Variants in CTNND2 observed in about 807,000 individuals in gnomAD.
The protein encoded by CTNND2 is catenin delta-2.
A neutral mutation model predicts 144.4 loss-of-function variants in CTNND2; 22 were observed. That is an observed-to-expected ratio of 0.15 (90% CI 0.11 to 0.22). The LOEUF is 0.22. Among genes scored for constraint, CTNND2 ranks in the 10% least tolerant of loss-of-function variants. The probability of loss-of-function intolerance (pLI) is 1.00; values close to 1 mark genes in which losing one functional copy is unlikely to be tolerated. For missense variants in CTNND2, 1,353 were observed against 1,618.8 expected (o/e 0.84, Z 2.82); for synonymous variants, 751 against 695.6 (o/e 1.08, Z -1.25).
intron 9 of CTNND2, among the ~76,000 whole-genome samples, chr5:11,345,323 T>A: frequency 6.6e-6 from 1 of 152,206 alleles, no homozygotes; most frequent in East Asian, 1.9e-4. Context: ...TAAGCACTTA[T>A]TACAATTCAC....
At chr5:11,540,638 T>G (rs1335377907) in intron 3 of CTNND2, among the ~76,000 whole-genome samples, 2 of 152,164 alleles carry the variant, frequency 1.3e-5, no homozygotes, top group African/African-American at 4.8e-5. Context: ...GCCTCCTGAG[T>G]AGCTGGGACT....
Position 11,563,686 on chromosome 5 carries a change from T to A in CTNND2, c.287+1258A>T, listed in dbSNP as rs1390257380. 2.0e-5 allele frequency among the ~76,000 whole-genome samples: 3 copies of A among 152,082 alleles called. No homozygotes were observed. The East Asian group carries it at 5.8e-4, about 29-fold the overall frequency. On this transcript the variant is annotated intron_variant, in intron 3 of 21. Coordinates refer to ENST00000304623, the MANE Select transcript of CTNND2 (RefSeq NM_001332.4). ...TAAGGTTTTATAATGGAAAATAATATTCCATCCACGTGGTTAACCCCGCTT... is the reference window on the plus strand; with the variant it reads ...TAAGGTTTTATAATGGAAAATAATAATCCATCCACGTGGTTAACCCCGCTT...
At chr5:11,108,027 A>G (rs61754613) in intron 14 of CTNND2, among the ~76,000 whole-genome samples, 1,853 of 152,328 alleles carry the variant, frequency 0.012, 39 homozygotes, top group African/African-American at 0.043. Context: ...TTGGGGATCA[A>G]TTGCTATACT....
chr5:11,758,175 G>A (rs1789055470), intron 1 of CTNND2, among the ~76,000 whole-genome samples: 1 of 151,836 alleles, frequency 6.6e-6, no homozygotes, highest in Admixed American at 6.6e-5. Flanking sequence ...TCCTGAAGAT[G>A]CCATCTTTCT....
intron 3 of CTNND2, among the ~76,000 whole-genome samples, chr5:11,541,699 CTG>C: frequency 6.6e-6 from 1 of 152,286 alleles, no homozygotes. Context: ...ACTGAATTGA[CTG>C]TTTTATTTGC....
intron 3 of CTNND2, among the ~76,000 whole-genome samples, chr5:11,497,528 G>GGGA (rs1770091262): frequency 1.2e-5 from 1 of 84,714 alleles, no homozygotes; most frequent in Non-Finnish European, 2.3e-5. Context: ...GTGGGGGGGG[G>GGGA]CAATATGTGC....
intron 2 of CTNND2, among the ~76,000 whole-genome samples, chr5:11,640,272 A>G (rs897149106): frequency 1.3e-5 from 2 of 152,266 alleles, no homozygotes; most frequent in African/African-American, 4.8e-5. Flanking sequence ...TGACTTTATT[A>G]TGCACATAAA....
At chr5:11,548,262 G>C (rs12659996) in intron 3 of CTNND2, among the ~76,000 whole-genome samples, 10,342 of 152,208 alleles carry the variant, frequency 0.068, 689 homozygotes, top group East Asian at 0.25. Context: ...ACAAAATTGA[G>C]AAAGCTGTTT....
At chr5:11,771,104 T>TTTTA (rs1181507841) in intron 1 of CTNND2, among the ~76,000 whole-genome samples, 2 of 151,840 alleles carry the variant, frequency 1.3e-5, no homozygotes, top group Non-Finnish European at 2.9e-5. Flanking sequence ...AGGCTTTACA[T>TTTTA]TATAAAAAGG....
chr5:11,728,215 G>T (rs751617724), intron 2 of CTNND2, among the ~76,000 whole-genome samples: 1 of 152,138 alleles, frequency 6.6e-6, no homozygotes, highest in Non-Finnish European at 1.5e-5. Context: ...GCTCACGCCT[G>T]TAATCCCAGC....
intron 3 of CTNND2, among the ~76,000 whole-genome samples, chr5:11,458,480 C>A (rs1410554399): frequency 6.6e-6 from 1 of 152,180 alleles, no homozygotes; most frequent in Non-Finnish European, 1.5e-5. Flanking sequence ...CATGGCTGGG[C>A]AACTTTCAGG....
At chr5:11,709,454 T>C (rs1206008116) in intron 2 of CTNND2, among the ~76,000 whole-genome samples, 4 of 152,216 alleles carry the variant, frequency 2.6e-5, no homozygotes, top group Non-Finnish European at 5.9e-5. Flanking sequence ...AATTTAATCA[T>C]GTAAAAGCAT....
At chr5:11,380,464 G>A (rs1190654940) in intron 7 of CTNND2, among the ~76,000 whole-genome samples, 2 of 152,178 alleles carry the variant, frequency 1.3e-5, no homozygotes, top group African/African-American at 4.8e-5. Flanking sequence ...TTTTATCAGG[G>A]AATAATTTTA....
At chr5:11,010,940 TAC>T (rs1297746450) in intron 18 of CTNND2, among the ~76,000 whole-genome samples, 2 of 152,226 alleles carry the variant, frequency 1.3e-5, no homozygotes, top group South Asian at 2.1e-4. Context: ...CAAGAGTGAA[TAC>T]AGTGTCTCTA....
chr5:11,331,954 G>T (rs1371847483), intron 9 of CTNND2, among the ~76,000 whole-genome samples: 2 of 152,142 alleles, frequency 1.3e-5, no homozygotes, highest in Admixed American at 6.5e-5. Context: ...AGTGCTTGAG[G>T]TGATAGGTAA....
At chr5:11,470,338 G>A (rs1280966362) in intron 3 of CTNND2, among the ~76,000 whole-genome samples, 4 of 152,140 alleles carry the variant, frequency 2.6e-5, no homozygotes, top group Non-Finnish European at 1.5e-5. Flanking sequence ...GGAGACTGAG[G>A]CAGGAGGATT....
intron 7 of CTNND2, among the ~76,000 whole-genome samples, chr5:11,369,884 C>T (rs943396422): frequency 3.9e-5 from 6 of 152,082 alleles, no homozygotes; most frequent in South Asian, 4.1e-4. Context: ...GGTTCTCAGG[C>T]GGAGGGAACC....
chr5:11,062,986 G>T (rs767849295), intron 16 of CTNND2, among the ~76,000 whole-genome samples: 1 of 152,136 alleles, frequency 6.6e-6, no homozygotes, highest in Non-Finnish European at 1.5e-5. Flanking sequence ...TTTCTTCAAC[G>T]GGGCAGTTTC....
At chr5:11,799,762 A>T (rs1355637365) in intron 1 of CTNND2, among the ~76,000 whole-genome samples, 1 of 152,208 alleles carries the variant, frequency 6.6e-6, no homozygotes, top group African/African-American at 2.4e-5. Context: ...ACAGTGATAG[A>T]TACTATTAAT....
Sources: gnomAD v4.1 joint callset for allele counts (sites outside exome capture counted in the v4.1 genomes callset) on GRCh38, gnomAD v4.1.1 for gene constraint, MANE v1.5 for transcripts, NCBI Gene and HGNC (gene_info 2026-07-23, HGNC 2026-07-21) for gene names.